Variants in DSP observed in about 807,000 individuals in gnomAD.
DSP encodes 250/210 kDa paraneoplastic pemphigus antigen.
A neutral mutation model predicts 290.6 loss-of-function variants in DSP; 114 were observed. The ratio of observed to expected loss-of-function variants is 0.39; its 90% CI spans 0.34 to 0.46. The LOEUF is 0.46. Among genes scored for constraint, DSP ranks in the 20% least tolerant of loss-of-function variants. DSP has a pLI of 0.99. For synonymous variants in DSP, 1,311 were observed against 1,316.4 expected, an observed-to-expected ratio of 1.00 and a Z score of 0.09; for missense variants, 3,230 against 3,495.8, an observed-to-expected ratio of 0.92 and a Z score of 1.92.
At chr6:7,561,237 C>T (rs1758680900) in intron 4 of DSP, among the ~76,000 whole-genome samples, 1 of 152,158 alleles carries the variant, frequency 6.6e-6, no homozygotes, top group African/African-American at 2.4e-5. Flanking sequence ...CAGGTGTGAG[C>T]CACCACGCCC....
chr6:7,574,920 G>A, intron 17 of DSP, 125 bp downstream of exon 17: 1 of 1,287,220 alleles, frequency 7.8e-7, no homozygotes. Context: ...TGGCCACACA[G>A]GTTGACATCA....
Position 7,576,341 on chromosome 6 carries a change from A to G in DSP, c.2678A>G (p.Asp893Gly). ...ATCAAGCAATTGAGGAATTATCGTG[A>G]TAACTATCAGGCTTTCTGCAAGTGG... ...KQIKQLRNYR[D>G]NYQAFCKWLY... The change falls in exon 19 of 24, where the codon GAT (aspartate) becomes GGT (glycine). Residue 893 changes from aspartate (D) to glycine (G), a missense_variant. Around this residue, in one of 5 missense-constraint regions of DSP, gnomAD observed 1,714 missense variants for 1,844.5 expected, o/e 0.93. Coordinates refer to ENST00000379802, the MANE Select transcript of DSP (RefSeq NM_004415.4). 6.2e-7 allele frequency: 1 copy of G among 1,614,140 alleles called. No individual in the cohort carries two copies. Among genetic ancestry groups the G allele is most frequent in the South Asian group, 1.1e-5 (1 of 91,080 alleles).
At chr6:7,575,640 A>G in intron 18 of DSP, 152 bp downstream of exon 18, 1 of 958,838 alleles carries the variant, frequency 1.0e-6, no homozygotes. Context: ...GACTGCCTGT[A>G]TGCAGCTTTG....
At position 7,582,124 on chromosome 6, in the gene DSP, G is replaced by T. The variant is rs1236541103; in HGVS notation, c.5380-518G>T. On this transcript the variant is annotated intron_variant, in intron 23 of 23. Coordinates refer to ENST00000379802, the MANE Select transcript of DSP (RefSeq NM_004415.4). This position sits in a 1 kb window ranked among gnomAD's most constrained non-coding sequence, Gnocchi z 4.2. ...TATTTAACTTCTACAGACAATATTT[G>T]TGTGTGGCTGGGTTGGTGTGTGTGT... Among the ~76,000 whole-genome samples, 3 of 139,928 alleles carry T rather than the reference G, an allele frequency of 2.1e-5. No homozygotes were observed. The highest frequency in any genetic ancestry group is 4.6e-4 in the South Asian group (2 of 4,328). The allele number at this position is 139,928 out of a possible 152,430, so 91.8% of individuals were successfully genotyped here.
intron 4 of DSP, among the ~76,000 whole-genome samples, chr6:7,562,305 TATC>T (rs1035322178): frequency 1.3e-5 from 2 of 152,112 alleles, no homozygotes; most frequent in African/African-American, 4.8e-5. Context: ...TTTTATAACA[TATC>T]ATACATATAT....
chr6:7,558,655 C>T (rs1231321978), intron 3 of DSP, among the ~76,000 whole-genome samples: 1 of 151,720 alleles, frequency 6.6e-6, no homozygotes, highest in Non-Finnish European at 1.5e-5. Flanking sequence ...GTTGGGCTAT[C>T]GGCATGTGCC....
Position 7,585,437 on chromosome 6 carries a change from C to T in DSP, c.8175C>T (p.Arg2725=), listed in dbSNP as rs11558731. 1 of 1,614,102 alleles carries T rather than the reference C, an allele frequency of 6.2e-7. No homozygotes were observed. Among genetic ancestry groups the T allele is most frequent in the Admixed American group, 1.7e-5 (1 of 60,016 alleles). ...EKWLPYEAGQ[R]FLEFQYLTGG... is the part of the protein sequence containing the mutation. Reference sequence around the variant, plus strand: ...GGCTCCCGTATGAGGCTGGCCAGCGCTTCCTGGAGTTCCAGTACCTCACGG... The same window carrying T: ...GGCTCCCGTATGAGGCTGGCCAGCGTTTCCTGGAGTTCCAGTACCTCACGG... The change falls in exon 24 of 24, where the codon CGC becomes CGT. Residue 2725 remains arginine (R), a synonymous_variant. Transcript: ENST00000379802.
chr6:7,559,926 T>C (rs1357830972), intron 4 of DSP, among the ~76,000 whole-genome samples: 1 of 152,242 alleles, frequency 6.6e-6, no homozygotes, highest in Non-Finnish European at 1.5e-5. Flanking sequence ...CTCAGTTGTC[T>C]CATTGTGCAA....
intron 21 of DSP, 99 bp downstream of exon 21, chr6:7,577,985 G>A: frequency 1.0e-6 from 1 of 975,796 alleles, no homozygotes; most frequent in Non-Finnish European, 1.6e-6. Flanking sequence ...TCTCCTGCCT[G>A]TCTTCCTTAC....
chr6:7,574,052 C>T (rs557802631), intron 15 of DSP, 34 bp from the exon 16 acceptor site: 1 of 1,612,264 alleles, frequency 6.2e-7, no homozygotes, highest in African/African-American at 1.3e-5. Context: ...AAAGAATCAG[C>T]TAAATCAAAA....
intron 4 of DSP, 84 bp downstream of exon 4, chr6:7,559,484 A>G: frequency 6.4e-7 from 1 of 1,561,306 alleles, no homozygotes; most frequent in South Asian, 1.1e-5. Context: ...TGTGTGACAA[A>G]GAGTCTTCTA....
In DSP at chr6:7,581,494, G is replaced by T; in HGVS notation, c.5304G>T (p.Gly1768=). Residue 1768 remains glycine (G), a synonymous_variant, in exon 23 of 24, where the codon GGG becomes GGT. Transcript: ENST00000379802. ...ACAACCGGACCCTGGAACTGCAGGG[G>T]CTGATTAATGATTTACAGAGAGAGA... ...ISNNRTLELQ[G]LINDLQRERE... is the part of the protein sequence containing the mutation. The T allele has an allele frequency of 6.2e-7, 1 of 1,613,972 alleles. No individual in the cohort carries two copies. Among genetic ancestry groups the T allele is most frequent in the Middle Eastern group, 1.7e-4 (1 of 6,058 alleles).
chr6:7,563,677 C>G, intron 5 of DSP, 59 bp from the exon 6 acceptor site: 1 of 1,452,272 alleles, frequency 6.9e-7, no homozygotes, highest in South Asian at 1.1e-5. Context: ...AGAAGGGCCA[C>G]TCTTTTCTAT....
intron 13 of DSP, among the ~76,000 whole-genome samples, 154 bp from the exon 14 acceptor site, chr6:7,571,229 G>A (rs1188581428): frequency 6.6e-6 from 1 of 150,714 alleles, no homozygotes; most frequent in Non-Finnish European, 1.5e-5. Flanking sequence ...TGGGAACAAT[G>A]TCTAAAACCT....
Position 7,580,645 on chromosome 6 carries a change from G to T in DSP, c.4455G>T (p.Arg1485Ser), listed in dbSNP as rs113902911. The T allele has an allele frequency of 9.9e-4, 1,605 of 1,613,988 alleles. 13 individuals carry two copies. The African/African-American group carries it at 0.019, about 19-fold the overall frequency. The change falls in exon 23 of 24, where the codon AGG becomes AGT. Residue 1485 changes from arginine (R) to serine (S), a missense_variant. Arg to Ser is a moderately radical substitution (Grantham distance 110). Coordinates refer to ENST00000379802, the MANE Select transcript of DSP (RefSeq NM_004415.4). This position sits in a 1 kb window ranked among gnomAD's most constrained non-coding sequence, Gnocchi z 4.2. The stretch of plus-strand genomic sequence containing the variant: ...AGGATAAAAACAAGGAGATAGAAAG[G>T]TTAAAACAACTGATCGACAAAGAAA... ...TIQDKNKEIE[R>S]LKQLIDKETN... is the part of the protein sequence containing the mutation.
In DSP at chr6:7,583,757, C is replaced by G; in HGVS notation, c.6495C>G (p.Pro2165=). 1 of 1,614,036 alleles carries G rather than the reference C, an allele frequency of 6.2e-7. No homozygotes were observed. The highest frequency in any genetic ancestry group is 1.6e-4 in the Middle Eastern group (1 of 6,062). The change falls in exon 24 of 24, where the codon CCC becomes CCG. Residue 2165 remains proline (P), a synonymous_variant. Transcript: ENST00000379802. The surrounding 1 kb of genome is among the most constrained non-coding windows in gnomAD (Gnocchi z 4.0). ...ATTTGTATCGATCCCTGAATGATCCCCGAGATAGTCAGAAAAACTTTGTGG... is the reference window on the plus strand; with the variant it reads ...ATTTGTATCGATCCCTGAATGATCCGCGAGATAGTCAGAAAAACTTTGTGG... ...DRDLYRSLND[P]RDSQKNFVDP...
Position 7,583,470 on chromosome 6 carries a change from G to A in DSP, c.6208G>A (p.Asp2070Asn), listed in dbSNP as rs41302885. The change falls in exon 24 of 24, where the codon GAC (aspartate) becomes AAC (asparagine). Residue 2070 changes from aspartate to asparagine, a missense_variant. Physicochemically the swap from Asp to Asn is conservative, Grantham distance 23 (BLOSUM62 1). This residue lies in a region of DSP where 1,714 missense variants were observed against 1,844.5 expected (regional missense o/e 0.93). Transcript: ENST00000379802. This position sits in a 1 kb window ranked among gnomAD's most constrained non-coding sequence, Gnocchi z 4.0. ...CCATCGGAATGAGAAGCTGACTGTCGACAGTGCCATAGCTCGGGACCTCAT... is the reference window on the plus strand; with the variant it reads ...CCATCGGAATGAGAAGCTGACTGTCAACAGTGCCATAGCTCGGGACCTCAT... ...DPHRNEKLTV[D>N]SAIARDLIDF... is the part of the protein sequence containing the mutation. The A allele has an allele frequency of 4.2e-3, 6,855 of 1,614,150 alleles. 29 individuals are homozygous for A. The highest frequency in any genetic ancestry group is 8.2e-3 in the Middle Eastern group (50 of 6,062).
In DSP at chr6:7,559,408, G is replaced by A. The variant is rs992434570; in HGVS notation, c.597+8G>A. ...TGGATGAGGCAGCAAAGGGTAAGCAGCTTCTTGAACAGCCCAAACCTGTGC... is the reference window on the plus strand; with the variant it reads ...TGGATGAGGCAGCAAAGGGTAAGCAACTTCTTGAACAGCCCAAACCTGTGC... On this transcript the variant is annotated splice_region_variant and intron_variant, in intron 4 of 23. Coordinates refer to ENST00000379802, the MANE Select transcript of DSP (RefSeq NM_004415.4). The A allele has an allele frequency of 1.2e-6, 2 of 1,612,176 alleles. No homozygotes were observed. The highest frequency in any genetic ancestry group is 1.7e-6 in the Non-Finnish European group (2 of 1,179,960).
chr6:7,585,637 C>T lies in DSP; in HGVS notation c.8375C>T (p.Ser2792Phe). The change falls in exon 24 of 24, where the codon TCC becomes TTC. Residue 2792 changes from serine to phenylalanine, a missense_variant. By Grantham distance (155) the Ser-to-Phe change is radical. This residue lies in a region of DSP where 582 missense variants were observed against 555.4 expected (regional missense o/e 1.05). Coordinates refer to ENST00000379802, the MANE Select transcript of DSP (RefSeq NM_004415.4). ...TCCTATAAGGATGCCATAAATCGCT[C>T]CATGGTAGAAGATATCACTGGGCTG... ...KISYKDAINR[S>F]MVEDITGLRL... The T allele has an allele frequency of 6.2e-7, 1 of 1,614,230 alleles. No individual in the cohort carries two copies. The highest frequency in any genetic ancestry group is 8.5e-7 in the Non-Finnish European group (1 of 1,180,052).
Sources: gnomAD v4.1 joint callset for allele counts (sites outside exome capture counted in the v4.1 genomes callset) on GRCh38, gnomAD v4.1.1 for gene constraint, gnomAD v4.1.1 regional missense constraint, Gnocchi (gnomAD v3.1) non-coding constraint, MANE v1.5 for transcripts, NCBI Gene and HGNC (gene_info 2026-07-23, HGNC 2026-07-21) for gene names.